Variants in ATAD2 observed in about 807,000 individuals in gnomAD.
The protein encoded by ATAD2 is ATPase family AAA domain containing 2, also known as ATPase family AAA domain-containing protein 2.
Under a neutral mutation model 168.9 loss-of-function variants are expected in ATAD2, and 62 were observed. The ratio of observed to expected loss-of-function variants is 0.37; its 90% CI spans 0.30 to 0.45. ATAD2 has a LOEUF of 0.45. Ranked by LOEUF, ATAD2 falls within the 20% of genes least tolerant of loss-of-function variation. The pLI is 1.00. For synonymous variants in ATAD2, 613 were observed against 571.6 expected, an observed-to-expected ratio of 1.07 and a Z score of -1.03; for missense variants, 1,419 against 1,667.8, an observed-to-expected ratio of 0.85 and a Z score of 2.60.
At chr8:123,372,039 G>A (rs1586891579) in intron 3 of ATAD2, among the ~76,000 whole-genome samples, 1 of 146,872 alleles carries the variant, frequency 6.8e-6, no homozygotes. Context: ...CTACTCCCAG[G>A]AGAAGAGGAA....
In ATAD2 at chr8:123,396,264, C is replaced by G. The variant is rs368718775; in HGVS notation, c.94G>C (p.Glu32Gln). The change falls in exon 1 of 28, where the codon GAG (glutamate) becomes CAG (glutamine). Residue 32 changes from glutamate to glutamine, a missense_variant. This residue lies in a region of ATAD2 where 419 missense variants were observed against 423.5 expected (regional missense o/e 0.99). Transcript: ENST00000287394. ...CGGAGCCGCCTCCGGCCGATGTGCT[C>G]CAGACTGAGGAAGTCACTGGACAGG... is the stretch of plus-strand genomic sequence containing the variant. ...LDLSSDFLSL[E>Q]HIGRRRLRSA... The G allele has an allele frequency of 9.3e-6, 15 of 1,610,688 alleles. No homozygotes were observed. Among genetic ancestry groups the G allele is most frequent in the African/African-American group, 5.3e-5 (4 of 74,854 alleles).
chr8:123,390,944 C>T (rs1338321079), intron 1 of ATAD2, among the ~76,000 whole-genome samples: 1 of 152,068 alleles, frequency 6.6e-6, no homozygotes, highest in Admixed American at 6.5e-5. Flanking sequence ...TGCTTGAATC[C>T]ACGAGGCAGA....
At chr8:123,403,010 T>G (rs1813026566) in intron 1 of ATAD2, among the ~76,000 whole-genome samples, 1 of 151,838 alleles carries the variant, frequency 6.6e-6, no homozygotes, top group Non-Finnish European at 1.5e-5. Flanking sequence ...GAGGAAAGAG[T>G]TGATTGCTAG....
intron 8 of ATAD2, among the ~76,000 whole-genome samples, chr8:123,364,332 T>C (rs1211843563): frequency 6.6e-6 from 1 of 152,140 alleles, no homozygotes; most frequent in Non-Finnish European, 1.5e-5. Context: ...GCAATTACTC[T>C]ATACTGTAGA....
chr8:123,400,632 C>T, upstream of ATAD2: 2 of 656,610 alleles, frequency 3.0e-6, no homozygotes, highest in Non-Finnish European at 5.6e-6. The surrounding 1 kb of genome is among the most constrained non-coding windows in gnomAD (Gnocchi z 4.5). Context: ...ACGGGCTCAC[C>T]ACGCAGCAGC....
At chr8:123,404,474 G>C (rs1813043216) in intron 1 of ATAD2, among the ~76,000 whole-genome samples, 1 of 152,052 alleles carries the variant, frequency 6.6e-6, no homozygotes, top group Admixed American at 6.6e-5. Context: ...TTGGCTTGTA[G>C]GAGTGTAAGT....
chr8:123,327,590 T>G (rs1225656245), intron 25 of ATAD2, among the ~76,000 whole-genome samples: 2 of 152,200 alleles, frequency 1.3e-5, no homozygotes, highest in African/African-American at 4.8e-5. Context: ...TCCACTATTT[T>G]GCTTTGTATG....
intron 8 of ATAD2, among the ~76,000 whole-genome samples, chr8:123,364,679 T>C (rs938807753): frequency 6.6e-6 from 1 of 152,138 alleles, no homozygotes. Context: ...AAAAATCACA[T>C]GATCATCTCA....
intron 13 of ATAD2, chr8:123,352,342 A>G (rs927362660): frequency 1.3e-5 from 2 of 152,982 alleles, no homozygotes; most frequent in Non-Finnish European, 1.5e-5. Flanking sequence ...TATACAGTGC[A>G]TATGATTATA....
intron 2 of ATAD2, among the ~76,000 whole-genome samples, chr8:123,375,974 C>T (rs762383276): frequency 1.1e-4 from 17 of 151,954 alleles, no homozygotes; most frequent in East Asian, 1.9e-4. Context: ...GGCGTGGTGG[C>T]GGGCACCTGT....
chr8:123,364,284 C>T (rs560220492), intron 8 of ATAD2, among the ~76,000 whole-genome samples: 30 of 152,170 alleles, frequency 2.0e-4, no homozygotes, highest in African/African-American at 6.7e-4. Flanking sequence ...AGCTGAGCTC[C>T]AAGCCTAGAC....
intron 27 of ATAD2, among the ~76,000 whole-genome samples, chr8:123,322,305 G>T (rs1827490368): frequency 6.6e-6 from 1 of 152,140 alleles, no homozygotes; most frequent in African/African-American, 2.4e-5. Flanking sequence ...CTTAAAAGAA[G>T]CTATTATTCT....
At chr8:123,356,580 G>T in intron 12 of ATAD2, 103 bp from the exon 13 acceptor site, 1 of 668,224 alleles carries the variant, frequency 1.5e-6, no homozygotes, top group Non-Finnish European at 2.3e-6. Flanking sequence ...ATGCTTAACA[G>T]AATTTATAAA....
rs1433676121 is a variant in ATAD2, at chr8:123,402,136, G to A, written c.-2281-961C>T. On this transcript the variant is annotated intron_variant, in intron 1 of 28. Coordinates refer to the ATAD2 transcript ENST00000521903. The surrounding 1 kb of genome is among the most constrained non-coding windows in gnomAD (Gnocchi z 4.8). ...AGCAGTGGAGGCCGAGGTGGTGGAG[G>A]GGGCACCCCCCAGTGTCCACCTTCG... The A allele has an allele frequency of 2.3e-5, 18 of 798,268 alleles. No homozygotes were observed. The Admixed American group carries it at 3.5e-4, about 16-fold the overall frequency. The allele number at this position is 798,268 out of a possible 1,614,324, so 49.4% of individuals were successfully genotyped here. A position where few individuals can be genotyped will look rare whatever the true frequency, so the allele number is the denominator to read the frequency against.
intron 24 of ATAD2, among the ~76,000 whole-genome samples, chr8:123,331,749 G>A (rs951885005): frequency 5.9e-5 from 9 of 152,184 alleles, no homozygotes; most frequent in African/African-American, 2.2e-4. Context: ...AAGATTTTTT[G>A]TACTATACTA....
chr8:123,347,390 A>T lies in ATAD2; in HGVS notation c.1914T>A (p.Asp638Glu). 6.2e-7 allele frequency: 1 copy of T among 1,611,886 alleles called. No individual in the cohort carries two copies. Among genetic ancestry groups the T allele is most frequent in the Non-Finnish European group, 8.5e-7 (1 of 1,179,056 alleles). ...CAGCTTCAGCACATATTGATTTAATATCTGCTCCACAGTATCCTATCCAAA... is the reference window on the plus strand; with the variant it reads ...CAGCTTCAGCACATATTGATTTAATTTCTGCTCCACAGTATCCTATCCAAA... ...AENCVGYCGA[D>E]IKSICAEAAL... is the part of the protein sequence containing the mutation. The change falls in exon 16 of 28, where the codon GAT becomes GAA. Residue 638 changes from aspartate (D) to glutamate (E), a missense_variant. By Grantham distance (45) the Asp-to-Glu change is conservative. Around this residue, in one of 5 missense-constraint regions of ATAD2, gnomAD observed 545 missense variants for 724.9 expected, o/e 0.75. Coordinates refer to ENST00000287394, the MANE Select transcript of ATAD2 (RefSeq NM_014109.4).
chr8:123,346,500 G>A, intron 17 of ATAD2, 118 bp downstream of exon 17: 7 of 1,107,622 alleles, frequency 6.3e-6, no homozygotes, highest in South Asian at 2.0e-5. Context: ...AAAATTTCTG[G>A]TAGTTTAATT....
At chr8:123,413,160 C>T (rs1171715074) in intron 1 of ATAD2, among the ~76,000 whole-genome samples, 1 of 151,766 alleles carries the variant, frequency 6.6e-6, no homozygotes, top group Non-Finnish European at 1.5e-5. Flanking sequence ...GCAGACACGA[C>T]TGGCCTAATG....
At chr8:123,400,155 C>T (rs1412481353), upstream of ATAD2, among the ~76,000 whole-genome samples, 1 of 152,042 alleles carries the variant, frequency 6.6e-6, no homozygotes, top group Non-Finnish European at 1.5e-5. The surrounding 1 kb of genome is among the most constrained non-coding windows in gnomAD (Gnocchi z 4.5). Flanking sequence ...CAGAGTGGGA[C>T]TCCAGCTCAA....
Sources: gnomAD v4.1 joint callset for allele counts (sites outside exome capture counted in the v4.1 genomes callset) on GRCh38, gnomAD v4.1.1 for gene constraint, gnomAD v4.1.1 regional missense constraint, Gnocchi (gnomAD v3.1) non-coding constraint, MANE v1.5 for transcripts, NCBI Gene and HGNC (gene_info 2026-07-23, HGNC 2026-07-21) for gene names.